The following RABGAP1L variants were observed in gnomAD, a reference collection of about 807,000 sequenced individuals.
The protein encoded by RABGAP1L is rab GTPase-activating protein 1-like.
Under a neutral mutation model 137.7 loss-of-function variants are expected in RABGAP1L, and 63 were observed. The observed-to-expected ratio is 0.46, with a 90% CI of 0.37 to 0.56. The LOEUF (loss-of-function observed/expected upper bound fraction) is 0.56, where lower values mean the gene tolerates loss of function less well. RABGAP1L is among the 20% of genes least tolerant of loss of function. The pLI, the probability that RABGAP1L is intolerant of heterozygous loss-of-function variation, is 0.00. For synonymous variants in RABGAP1L, 431 were observed against 433.7 expected (o/e 0.99, Z 0.08); for missense variants, 1,095 against 1,244.0 (o/e 0.88, Z 1.80).
At chr1:174,529,170 A>G (rs1664179443) in intron 13 of RABGAP1L, among the ~76,000 whole-genome samples, 1 of 151,308 alleles carries the variant, frequency 6.6e-6, no homozygotes, top group African/African-American at 2.4e-5. Context: ...CTGGGGAATT[A>G]TTGTGTTTCT....
At chr1:174,653,540 C>A (rs879458733) in intron 14 of RABGAP1L, among the ~76,000 whole-genome samples, 2 of 152,154 alleles carry the variant, frequency 1.3e-5, no homozygotes, top group Non-Finnish European at 2.9e-5. Flanking sequence ...AGTTCCCTGA[C>A]CCCTTCACTT....
At chr1:174,310,034 G>T (rs6701435) in intron 11 of RABGAP1L, among the ~76,000 whole-genome samples, 1,374 of 135,474 alleles carry the variant, frequency 0.01, 24 homozygotes, top group African/African-American at 0.051. Context: ...CTGATCCAGT[G>T]TTATTACTCA....
intron 13 of RABGAP1L, among the ~76,000 whole-genome samples, chr1:174,435,824 G>A (rs1032266512): frequency 1.7e-4 from 22 of 130,566 alleles, no homozygotes; most frequent in African/African-American, 2.8e-4. Context: ...CACCACAACC[G>A]TCCCCGGTGT....
At chr1:174,417,915 T>C (rs945573058) in intron 13 of RABGAP1L, among the ~76,000 whole-genome samples, 1 of 152,224 alleles carries the variant, frequency 6.6e-6, no homozygotes, top group African/African-American at 2.4e-5. Context: ...TCTAACTCTC[T>C]TTTTGATGTT....
intron 15 of RABGAP1L, among the ~76,000 whole-genome samples, chr1:174,690,758 C>G (rs1487529639): frequency 6.7e-6 from 1 of 149,832 alleles, no homozygotes; most frequent in African/African-American, 2.5e-5. Context: ...ATTCTATTTG[C>G]TTTTTAATAT....
At chr1:174,258,728 A>T (rs1362960873) in intron 7 of RABGAP1L, among the ~76,000 whole-genome samples, 4 of 152,172 alleles carry the variant, frequency 2.6e-5, no homozygotes, top group East Asian at 1.9e-4. Context: ...TCATTAAAAA[A>T]TTTTTAAAAT....
At chr1:174,201,605 T>C (rs978062483) in intron 1 of RABGAP1L, among the ~76,000 whole-genome samples, 1 of 152,246 alleles carries the variant, frequency 6.6e-6, no homozygotes, top group East Asian at 1.9e-4. Flanking sequence ...TATTTTTCTT[T>C]TTTTTGTTAA....
intron 11 of RABGAP1L, among the ~76,000 whole-genome samples, chr1:174,353,410 C>A (rs967490721): frequency 3.9e-5 from 6 of 152,146 alleles, no homozygotes; most frequent in Admixed American, 2.0e-4. Context: ...TACCTAGTGT[C>A]TATCTAGATC....
At chr1:174,415,236 C>CT (rs1330617352) in intron 13 of RABGAP1L, among the ~76,000 whole-genome samples, 9 of 152,040 alleles carry the variant, frequency 5.9e-5, no homozygotes. Flanking sequence ...TATTCAGTTC[C>CT]TTTTTCCCTG....
chr1:174,905,336 G>T (rs954585941), intron 19 of RABGAP1L, among the ~76,000 whole-genome samples: 1 of 152,116 alleles, frequency 6.6e-6, no homozygotes, highest in Admixed American at 6.5e-5. Flanking sequence ...ATTCAAAATG[G>T]CAATTTTAAG....
chr1:174,372,659 A>G (rs1685200514), intron 12 of RABGAP1L, among the ~76,000 whole-genome samples: 1 of 152,178 alleles, frequency 6.6e-6, no homozygotes, highest in Non-Finnish European at 1.5e-5. Context: ...TGTGACTCAG[A>G]TAACAGTCAC....
chr1:174,409,510 A>T (rs1216841429), intron 13 of RABGAP1L, among the ~76,000 whole-genome samples: 2 of 152,148 alleles, frequency 1.3e-5, no homozygotes, highest in Non-Finnish European at 2.9e-5. Context: ...ACAGAATAAC[A>T]CGATTTTCAG....
chr1:174,959,274 CTAT>C (rs1039980781), intron 20 of RABGAP1L, among the ~76,000 whole-genome samples: 1 of 152,188 alleles, frequency 6.6e-6, no homozygotes, highest in African/African-American at 2.4e-5. Context: ...TAATTATAAA[CTAT>C]TATTAAGCAT....
intron 24 of RABGAP1L, among the ~76,000 whole-genome samples, chr1:174,987,218 G>A (rs896157307): frequency 1.3e-5 from 2 of 152,022 alleles, no homozygotes; most frequent in Admixed American, 6.6e-5. Context: ...CCAGGCTGGA[G>A]TGCAGTGGCG....
chr1:174,413,674 C>A (rs148638904), intron 13 of RABGAP1L, among the ~76,000 whole-genome samples: 7 of 152,136 alleles, frequency 4.6e-5, no homozygotes, highest in African/African-American at 1.4e-4. Context: ...CTCCTCCCCC[C>A]CTTTCTCTAT....
intron 19 of RABGAP1L, among the ~76,000 whole-genome samples, chr1:174,864,404 T>C (rs1005093796): frequency 6.6e-6 from 1 of 152,194 alleles, no homozygotes; most frequent in Non-Finnish European, 1.5e-5. Flanking sequence ...GGTTAATTTA[T>C]AAAGGAAAGT....
chr1:174,725,038 A>T (rs1054890343), intron 17 of RABGAP1L, among the ~76,000 whole-genome samples: 2 of 152,198 alleles, frequency 1.3e-5, no homozygotes, highest in Admixed American at 1.3e-4. Flanking sequence ...CTTGGTGGCC[A>T]TATTGAGGAG....
chr1:174,179,944 A>G (rs1443863036), intron 1 of RABGAP1L, among the ~76,000 whole-genome samples: 2 of 137,254 alleles, frequency 1.5e-5, no homozygotes, highest in Non-Finnish European at 1.6e-5. Context: ...GACATTTGTT[A>G]AAGTCTCAGA....
At chr1:174,629,356 G>C (rs1008642173) in intron 13 of RABGAP1L, among the ~76,000 whole-genome samples, 1 of 152,222 alleles carries the variant, frequency 6.6e-6, no homozygotes, top group Middle Eastern at 3.4e-3. Flanking sequence ...TCTATCTGTT[G>C]ACCTTTACTT....
Sources: gnomAD v4.1 joint callset for allele counts (sites outside exome capture counted in the v4.1 genomes callset) on GRCh38, gnomAD v4.1.1 for gene constraint, MANE v1.5 for transcripts, NCBI Gene and HGNC (gene_info 2026-07-23, HGNC 2026-07-21) for gene names.